Variants in EIPR1 observed in about 807,000 individuals in gnomAD.
EIPR1 encodes the protein EARP complex and GARP complex interacting protein 1.
Under a neutral mutation model 48.1 loss-of-function variants are expected in EIPR1, and 25 were observed. The ratio of observed to expected loss-of-function variants is 0.52; its 90% CI spans 0.38 to 0.73. EIPR1 has a LOEUF of 0.73. EIPR1 is among the 30% of genes least tolerant of loss of function. The pLI, the probability that EIPR1 is intolerant of heterozygous loss-of-function variation, is 0.00. For synonymous variants in EIPR1, 204 were observed against 201.9 expected (o/e 1.01, Z -0.09); for missense variants, 415 against 506.2 (o/e 0.82, Z 1.73).
intron 1 of EIPR1, among the ~76,000 whole-genome samples, chr2:3,371,136 T>C (rs1228189449): frequency 9.9e-5 from 15 of 152,232 alleles, no homozygotes; most frequent in Admixed American, 4.6e-4. Context: ...TCCAGCCAAA[T>C]TAAGCTTCAT....
intron 3 of EIPR1, among the ~76,000 whole-genome samples, chr2:3,281,471 C>T (rs1391004536): frequency 1.3e-5 from 2 of 151,780 alleles, no homozygotes; most frequent in Non-Finnish European, 2.9e-5. Context: ...CAAAGCAAAA[C>T]GATGGAAAAA....
intron 3 of EIPR1, among the ~76,000 whole-genome samples, chr2:3,259,717 T>TG (rs1667268532): frequency 6.6e-6 from 1 of 152,144 alleles, no homozygotes; most frequent in African/African-American, 2.4e-5. Flanking sequence ...TTTAAAAACA[T>TG]AAACCCACAA....
At chr2:3,345,977 A>C (rs1270681979) in intron 2 of EIPR1, among the ~76,000 whole-genome samples, 1 of 151,826 alleles carries the variant, frequency 6.6e-6, no homozygotes. Context: ...ACCGTGCCAG[A>C]GAAATGCGTT....
At chr2:3,290,407 C>T (rs573763930) in intron 3 of EIPR1, among the ~76,000 whole-genome samples, 3 of 152,182 alleles carry the variant, frequency 2.0e-5, no homozygotes, top group African/African-American at 7.2e-5. Context: ...AATGTGACAG[C>T]GGGTTGGGTG....
intron 3 of EIPR1, chr2:3,274,379 A>C: frequency 6.4e-7 from 1 of 1,550,592 alleles, no homozygotes; most frequent in Non-Finnish European, 8.7e-7. Flanking sequence ...CTGACTTCCC[A>C]AGAGCACCAA....
chr2:3,377,594 GC>G, intron 1 of EIPR1, 53 bp downstream of exon 1: 1 of 1,551,026 alleles, frequency 6.4e-7, no homozygotes. Context: ...ATGGGACCGC[GC>G]ATGCTATCAA....
chr2:3,370,370 G>A (rs1401841790), intron 1 of EIPR1, among the ~76,000 whole-genome samples: 3 of 152,108 alleles, frequency 2.0e-5, no homozygotes, highest in East Asian at 1.9e-4. Flanking sequence ...CACCAGCAAC[G>A]GAACAAAGCT....
intron 4 of EIPR1, among the ~76,000 whole-genome samples, chr2:3,222,055 G>A (rs2103150195): frequency 6.6e-6 from 1 of 152,028 alleles, no homozygotes; most frequent in South Asian, 2.1e-4. Flanking sequence ...ATTCCAAAGT[G>A]GTGGAGATTC....
rs945888866 is a variant in EIPR1 at position 3,208,996 on chromosome 2, C to T, written c.516+5153G>A. 2.0e-5 allele frequency: 29 copies of T among 1,456,594 alleles called. No homozygotes were observed. In the East Asian group the frequency reaches 3.7e-4, roughly 19 times the overall value. The allele number at this position is 1,456,594 out of a possible 1,614,324, so 90.2% of individuals were successfully genotyped here. A position where few individuals can be genotyped will look rare whatever the true frequency, so the allele number is the denominator to read the frequency against. On this transcript the variant is annotated intron_variant, in intron 5 of 8. Coordinates refer to ENST00000382125, the MANE Select transcript of EIPR1 (RefSeq NM_003310.5). The stretch of plus-strand genomic sequence containing the variant: ...GGAAGAGCTCTCATATTATCAAGGT[C>T]GCCAGAAGCGGGAACAATAGTGGAG...
At chr2:3,365,261 A>T (rs1558321873) in intron 1 of EIPR1, among the ~76,000 whole-genome samples, 2 of 151,510 alleles carry the variant, frequency 1.3e-5, no homozygotes, top group African/African-American at 4.9e-5. Flanking sequence ...ATATGATGAG[A>T]CCCCCCATCT....
chr2:3,321,955 G>A (rs1011783035), intron 3 of EIPR1, among the ~76,000 whole-genome samples: 25 of 152,192 alleles, frequency 1.6e-4, no homozygotes, highest in African/African-American at 5.8e-4. Flanking sequence ...AAATGATACA[G>A]GCTGCTCTTC....
Position 3,208,354 on chromosome 2 carries a change from C to T in EIPR1, c.516+5795G>A, listed in dbSNP as rs890434051. 19 of 1,108,486 alleles carry T rather than the reference C, an allele frequency of 1.7e-5. No homozygotes were observed. The South Asian group carries it at 2.2e-4, about 13-fold the overall frequency. 68.7% of individuals were successfully genotyped at this position (1,108,486 alleles called of 1,614,324 possible). ...GAGCCACCGTGAGCACCTCTGTGCC[C>T]GGGTGGGACTCATTTATAGGGCATC... is the stretch of plus-strand genomic sequence containing the variant. On this transcript the variant is annotated intron_variant, in intron 5 of 8. Transcript: ENST00000382125.
intron 3 of EIPR1, among the ~76,000 whole-genome samples, chr2:3,325,322 G>A (rs1446476166): frequency 1.3e-5 from 2 of 152,234 alleles, no homozygotes; most frequent in Non-Finnish European, 2.9e-5. Flanking sequence ...TGCATCTCCA[G>A]GTTGTGAGAA....
chr2:3,244,219 T>TA (rs1442615494), intron 4 of EIPR1, among the ~76,000 whole-genome samples: 1 of 152,184 alleles, frequency 6.6e-6, no homozygotes, highest in African/African-American at 2.4e-5. Context: ...CATTTCTAGG[T>TA]AAAATGTGCT....
chr2:3,242,442 G>A lies in EIPR1; in HGVS notation c.416+14857C>T, dbSNP rs1188586308. Among the ~76,000 whole-genome samples the A allele has an allele frequency of 3.4e-5, 5 of 149,092 alleles. No homozygotes were observed. In the East Asian group the frequency reaches 8.0e-4, roughly 24 times the overall value. ...AGGCAGCAGCCATCGATGGCTGGAA[G>A]ACAGAGATTTCAGGCCCCCGACTCC... On this transcript the variant is annotated intron_variant, in intron 4 of 8. Coordinates refer to ENST00000382125, the MANE Select transcript of EIPR1 (RefSeq NM_003310.5).
chr2:3,332,730 T>A (rs570185625), intron 3 of EIPR1, among the ~76,000 whole-genome samples: 55 of 152,352 alleles, frequency 3.6e-4, no homozygotes, highest in African/African-American at 1.3e-3. Context: ...AGTTCTTTTT[T>A]AAATCTTCAT....
chr2:3,257,381 A>G lies in EIPR1; in HGVS notation c.334T>C (p.Ser112Pro), dbSNP rs142389201. Residue 112 changes from serine (S) to proline (P), a missense_variant, in exon 4 of 9, where the codon TCC (serine) becomes CCC (proline). Transcript: ENST00000382125. ...GCAGTGCTGGATGAATCATCAGGGG[A>G]CTCGTGGCTGCCTGATTCCAATTCC... The part of the protein sequence containing the change: ...PKELESGSHE[S>P]PDDSSSTAQT... 6.4e-4 allele frequency: 1,037 copies of G among 1,613,886 alleles called. 2 individuals are homozygous for G. Among genetic ancestry groups the G allele is most frequent in the Non-Finnish European group, 8.3e-4 (984 of 1,179,960 alleles).
chr2:3,203,091 C>T (rs1387330269), intron 5 of EIPR1, among the ~76,000 whole-genome samples: 1 of 152,206 alleles, frequency 6.6e-6, no homozygotes, highest in Admixed American at 6.5e-5. Flanking sequence ...ATGCTCATTT[C>T]CTAGTGAAAT....
Position 3,272,503 on chromosome 2 carries a change from G to A in EIPR1, c.260-15048C>T, listed in dbSNP as rs148049185. The stretch of plus-strand genomic sequence containing the variant: ...TATTAATTGGCCTGACTTCAATAAC[G>A]TTGTTCTCAGGGAACAGAGAGGCCT... On this transcript the variant is annotated intron_variant, in intron 3 of 8. Coordinates refer to ENST00000382125, the MANE Select transcript of EIPR1 (RefSeq NM_003310.5). 9.9e-4 allele frequency among the ~76,000 whole-genome samples: 151 copies of A among 152,266 alleles called. 3 individuals are homozygous for A. In the East Asian group the frequency reaches 0.024, roughly 25 times the overall value.
Sources: allele counts gnomAD v4.1 joint callset (sites outside exome capture counted in the v4.1 genomes callset), GRCh38; gene constraint gnomAD v4.1.1; transcripts MANE v1.5; gene names NCBI Gene and HGNC (gene_info 2026-07-23, HGNC 2026-07-21).